Variants in CD276 observed in about 807,000 individuals in gnomAD.
CD276 encodes the protein CD276 antigen.
In CD276, 34 loss-of-function variants were observed where a neutral mutation model predicts 50.0. The ratio of observed to expected loss-of-function variants is 0.68; its 90% CI spans 0.52 to 0.91. The LOEUF (loss-of-function observed/expected upper bound fraction) is 0.91. Among genes scored for constraint, CD276 ranks in the 40% least tolerant of loss-of-function variants. The pLI, the probability that CD276 is intolerant of heterozygous loss-of-function variation, is 0.00. For synonymous variants in CD276, 275 were observed against 313.0 expected (o/e 0.88, Z 1.28); for missense variants, 634 against 717.5 (o/e 0.88, Z 1.33).
chr15:73,686,706 T>C (rs1183934443), intron 1 of CD276, among the ~76,000 whole-genome samples: 1 of 152,158 alleles, frequency 6.6e-6, no homozygotes, highest in Non-Finnish European at 1.5e-5. Flanking sequence ...TGAGTTGGAA[T>C]TCCACAGCAC....
Position 73,698,979 on chromosome 15 carries a change from G to T in CD276, c.-54-607G>T, listed in dbSNP as rs552727676. Among the ~76,000 whole-genome samples, 145 of 152,308 alleles carry T rather than the reference G, an allele frequency of 9.5e-4. 1 individual carries two copies. Among genetic ancestry groups the T allele is most frequent in the African/African-American group, 3.4e-3 (140 of 41,558 alleles). On this transcript the variant is annotated intron_variant, in intron 1 of 9. Transcript: ENST00000318443. ...TTATGTGTGATTAAAATGCTCCCCA[G>T]TGATTCCCATTACTCATAGAAAAAC...
rs1020838329 is a variant in CD276 at position 73,704,906 on chromosome 15, A to C, written c.1369+434A>C. ...TGGCCCTCCCTAGTTAGTCCCCAAC[A>C]CCTGAGTCAACGTCAGCTCTTCTTC... On this transcript the variant is annotated intron_variant, in intron 6 of 9. Coordinates refer to ENST00000318443, the MANE Select transcript of CD276 (RefSeq NM_001024736.2). The surrounding 1 kb of genome is among the most constrained non-coding windows in gnomAD (Gnocchi z 4.1). Among the ~76,000 whole-genome samples the C allele has an allele frequency of 2.0e-5, 3 of 152,158 alleles. No homozygotes were observed. Among genetic ancestry groups the C allele is most frequent in the Admixed American group, 1.3e-4 (2 of 15,274 alleles).
intron 7 of CD276, chr15:73,708,781 G>A (rs113069072): frequency 4.9e-6 from 2 of 408,518 alleles, no homozygotes; most frequent in South Asian, 4.7e-5. Context: ...CTGTGAAAGT[G>A]TAAGTCAGTC....
Position 73,712,932 on chromosome 15 carries a change from AGAT to A in CD276, c.1586_1588del (p.Asp529del). 6.2e-7 allele frequency: 1 copy of A among 1,613,648 alleles called. No homozygotes were observed. The highest frequency in any genetic ancestry group is 8.5e-7 in the Non-Finnish European group (1 of 1,179,638). On this transcript the variant is annotated splice_acceptor_variant and coding_sequence_variant, in exon 10 of 10. Transcript: ENST00000318443. LOFTEE classifies it high-confidence loss of function. ...TTTTTTTCTTCCCATCATGAAATGA[AGAT>A]GATGGACAAGAAATAGCCTGACCAT...
intron 9 of CD276, chr15:73,711,772 T>C (rs1388839827): frequency 6.5e-6 from 1 of 153,116 alleles, no homozygotes; most frequent in Non-Finnish European, 1.5e-5. Flanking sequence ...ATGTCAGTGA[T>C]GACATTTGGA....
chr15:73,708,040 C>T (rs781467498), intron 6 of CD276, among the ~76,000 whole-genome samples: 2 of 152,188 alleles, frequency 1.3e-5, no homozygotes, highest in Non-Finnish European at 2.9e-5. Flanking sequence ...CCTTGAATCA[C>T]GCTTGAAGCT....
intron 6 of CD276, 130 bp from the exon 7 acceptor site, chr15:73,708,209 G>A (rs1900722939): frequency 1.2e-5 from 12 of 972,302 alleles, no homozygotes; most frequent in Non-Finnish European, 1.7e-5. Flanking sequence ...AGGAACTTAA[G>A]TGAGCTTTAT....
intron 2 of CD276, among the ~76,000 whole-genome samples, chr15:73,700,465 T>C (rs1030107943): frequency 3.3e-5 from 5 of 152,212 alleles, no homozygotes; most frequent in Non-Finnish European, 7.3e-5. Context: ...TGCCTGTCTC[T>C]ACCCACGGCT....
Position 73,714,103 on chromosome 15 carries a change from G to C in CD276, c.*1147G>C, listed in dbSNP as rs1180938867. ...AGCATGGGGTTGGGGCGGAAACCTG[G>C]AGAGAGGGACATAGCCCCTCGCCAC... On this transcript the variant is annotated 3_prime_UTR_variant, in exon 10 of 10. Coordinates refer to ENST00000318443, the MANE Select transcript of CD276 (RefSeq NM_001024736.2). The C allele has an allele frequency of 3.5e-6, 1 of 286,540 alleles. No individual in the cohort carries two copies. The highest frequency in any genetic ancestry group is 2.4e-5 in the African/African-American group (1 of 42,288). 17.7% of individuals were successfully genotyped at this position (286,540 alleles called of 1,614,324 possible). A position where few individuals can be genotyped will look rare whatever the true frequency, so the allele number is the denominator to read the frequency against.
intron 1 of CD276, 54 bp from the exon 2 acceptor site, chr15:73,699,532 G>C: frequency 6.5e-7 from 1 of 1,539,682 alleles, no homozygotes; most frequent in Non-Finnish European, 8.7e-7. Flanking sequence ...TGAGGCAAGA[G>C]ATGGTCTGGG....
At chr15:73,700,436 TC>T (rs1900332438) in intron 2 of CD276, among the ~76,000 whole-genome samples, 1 of 152,222 alleles carries the variant, frequency 6.6e-6, no homozygotes, top group Non-Finnish European at 1.5e-5. Flanking sequence ...TCTGGCGCCA[TC>T]TTGTGGCCAT....
chr15:73,695,419 C>A (rs2141548050), intron 1 of CD276, among the ~76,000 whole-genome samples: 1 of 152,204 alleles, frequency 6.6e-6, no homozygotes, highest in South Asian at 2.1e-4. Flanking sequence ...CAGGGATCAT[C>A]TCTGGGGTTA....
chr15:73,712,875 ATCT>A lies in CD276; in HGVS notation c.1583-55_1583-53del, dbSNP rs773477855. On this transcript the variant is annotated intron_variant, in intron 9 of 9. Coordinates refer to ENST00000318443, the MANE Select transcript of CD276 (RefSeq NM_001024736.2). ...GCTTCTGGCATAATCCCAAAAATAGATCTTCTGGCATCTAATGCTTTTCCCTTC... is the reference window on the plus strand; with the variant it reads ...GCTTCTGGCATAATCCCAAAAATAGATCTGGCATCTAATGCTTTTCCCTTC... The A allele has an allele frequency of 5.0e-5, 78 of 1,568,080 alleles. No homozygotes were observed. The Middle Eastern group carries it at 6.7e-4, about 13-fold the overall frequency.
rs1900890292 is a variant in CD276 at position 73,711,250 on chromosome 15, A to ATCCT, written c.1582+82_1582+85dup. 7 of 1,476,014 alleles carry ATCCT rather than the reference A, an allele frequency of 4.7e-6. No individual in the cohort carries two copies. In the East Asian group the frequency reaches 1.6e-4, roughly 33 times the overall value. 91.4% of individuals were successfully genotyped at this position (1,476,014 alleles called of 1,614,324 possible). Reference sequence around the variant, plus strand: ...GAGGCTGAGAGGGTGGGTAGGCATCATCCTTTCACTAGTGACCTGAGGCCC... The same window carrying ATCCT: ...GAGGCTGAGAGGGTGGGTAGGCATCATCCTTCCTTTCACTAGTGACCTGAGGCCC... On this transcript the variant is annotated intron_variant, in intron 9 of 9. Transcript: ENST00000318443.
At chr15:73,703,162 G>A in intron 4 of CD276, 76 bp downstream of exon 4, 1 of 1,474,412 alleles carries the variant, frequency 6.8e-7, no homozygotes, top group Non-Finnish European at 9.1e-7. Flanking sequence ...TCCGAATCTG[G>A]CCCCACCTTC....
chr15:73,706,348 A>T (rs183497730), intron 6 of CD276, among the ~76,000 whole-genome samples: 1 of 152,256 alleles, frequency 6.6e-6, no homozygotes, highest in Non-Finnish European at 1.5e-5. Context: ...AGAAGGGGGA[A>T]CTTTCCCAAG....
In CD276 at chr15:73,711,124, T is replaced by A. The variant is rs372135114; in HGVS notation, c.1547-11T>A. ...TCCTCCCTCACCGTGTGCGCCTTCC[T>A]TTTTTTACAGCCCTGCAGCCTCTGA... On this transcript the variant is annotated splice_polypyrimidine_tract_variant and intron_variant, in intron 8 of 9. Transcript: ENST00000318443. The A allele has an allele frequency of 2.7e-5, 44 of 1,612,028 alleles. No individual in the cohort carries two copies. The highest frequency in any genetic ancestry group is 3.3e-5 in the Non-Finnish European group (39 of 1,178,774).
Position 73,703,544 on chromosome 15 carries a change from T to C in CD276, c.734-115T>C, listed in dbSNP as rs1247665772. ...TCTGCTTTTGCATCTAAGAAGAAAA[T>C]AGGAAGATGGAACAGGGTCTGGGAA... is the stretch of plus-strand genomic sequence containing the variant. On this transcript the variant is annotated intron_variant, in intron 4 of 9. Transcript: ENST00000318443. The C allele has an allele frequency of 7.2e-6, 6 of 837,766 alleles. No individual in the cohort carries two copies. In the East Asian group the frequency reaches 1.1e-4, roughly 15 times the overall value. 51.9% of individuals were successfully genotyped at this position (837,766 alleles called of 1,614,324 possible).
intron 2 of CD276, 96 bp downstream of exon 2, chr15:73,699,814 C>A: frequency 7.1e-7 from 1 of 1,401,036 alleles, no homozygotes; most frequent in Non-Finnish European, 9.5e-7. Flanking sequence ...GCCAAGCCAG[C>A]TCTGGCTAGC....
Sources: allele counts gnomAD v4.1 joint callset (sites outside exome capture counted in the v4.1 genomes callset), GRCh38; gene constraint gnomAD v4.1.1; non-coding constraint Gnocchi (gnomAD v3.1); transcripts MANE v1.5; gene names NCBI Gene and HGNC (gene_info 2026-07-23, HGNC 2026-07-21).